The following AGBL4 variants were observed in gnomAD, a reference collection of about 807,000 sequenced individuals.
AGBL4 encodes AGBL carboxypeptidase 4.
A neutral mutation model predicts 66.4 loss-of-function variants in AGBL4; 58 were observed. The ratio of observed to expected loss-of-function variants is 0.87; its 90% CI spans 0.71 to 1.09. The LOEUF (loss-of-function observed/expected upper bound fraction) is 1.09. Among genes scored for constraint, AGBL4 ranks in the 50% least tolerant of loss-of-function variants. AGBL4 has a pLI of 0.00. For missense variants in AGBL4, 579 were observed against 631.0 expected, an observed-to-expected ratio of 0.92 and a Z score of 0.88; for synonymous variants, 234 against 222.9, an observed-to-expected ratio of 1.05 and a Z score of -0.44.
At chr1:50,006,772 A>G (rs1162361336) in intron 1 of AGBL4, among the ~76,000 whole-genome samples, 2 of 152,210 alleles carry the variant, frequency 1.3e-5, no homozygotes, top group African/African-American at 4.8e-5. Context: ...CAGACAAACA[A>G]AAGCTGAGGG....
At chr1:49,887,686 C>T (rs1349487975) in intron 1 of AGBL4, among the ~76,000 whole-genome samples, 1 of 151,980 alleles carries the variant, frequency 6.6e-6, no homozygotes, top group Non-Finnish European at 1.5e-5. Flanking sequence ...ACAGCAAATG[C>T]AGTTGGGAGA....
chr1:49,787,981 T>C (rs976953604), intron 2 of AGBL4, among the ~76,000 whole-genome samples: 2 of 151,582 alleles, frequency 1.3e-5, no homozygotes, highest in Admixed American at 6.6e-5. Context: ...AACAAGCAAG[T>C]ACAATATTTC....
chr1:49,180,800 A>G (rs1234984943), intron 4 of AGBL4, among the ~76,000 whole-genome samples: 4 of 152,222 alleles, frequency 2.6e-5, no homozygotes, highest in African/African-American at 9.6e-5. Context: ...TACATGGGAC[A>G]TGCACCCTGT....
downstream of AGBL4, among the ~76,000 whole-genome samples, chr1:48,530,113 G>C (rs1473290999): frequency 1.3e-5 from 2 of 151,998 alleles, no homozygotes; most frequent in African/African-American, 4.8e-5. Flanking sequence ...ATTTTACCTG[G>C]AGACAAATGG....
At chr1:49,315,943 G>A (rs910736801) in intron 3 of AGBL4, among the ~76,000 whole-genome samples, 8 of 152,010 alleles carry the variant, frequency 5.3e-5, no homozygotes, top group Admixed American at 6.6e-5. Flanking sequence ...AAAGAAGAGC[G>A]CTATCAAGCC....
intron 1 of AGBL4, among the ~76,000 whole-genome samples, chr1:49,962,308 T>C (rs1053974771): frequency 6.6e-6 from 1 of 152,170 alleles, no homozygotes; most frequent in Admixed American, 6.6e-5. Context: ...AAGTTAATTT[T>C]CATGATGTCT....
chr1:49,376,110 C>G (rs1182122620), intron 3 of AGBL4, among the ~76,000 whole-genome samples: 1 of 152,188 alleles, frequency 6.6e-6, no homozygotes, highest in Non-Finnish European at 1.5e-5. Context: ...CCACCTACCT[C>G]TGCAGCTCCA....
chr1:48,742,860 G>A, intron 6 of AGBL4: 1 of 1,320,156 alleles, frequency 7.6e-7, no homozygotes, highest in South Asian at 1.9e-5. Flanking sequence ...GCACACCATG[G>A]CACAAAAAAT....
At chr1:49,210,831 C>T (rs1285577983) in intron 4 of AGBL4, among the ~76,000 whole-genome samples, 1 of 152,058 alleles carries the variant, frequency 6.6e-6, no homozygotes, top group Non-Finnish European at 1.5e-5. Context: ...GCTGTGAGTC[C>T]TATGTGGTTA....
chr1:49,200,863 T>C (rs965394375), intron 4 of AGBL4, among the ~76,000 whole-genome samples: 1 of 152,136 alleles, frequency 6.6e-6, no homozygotes, highest in African/African-American at 2.4e-5. Flanking sequence ...CAGCTTAACC[T>C]TCAGCCCCTC....
intron 5 of AGBL4, among the ~76,000 whole-genome samples, chr1:48,962,799 A>G (rs1319422201): frequency 2.6e-5 from 4 of 152,106 alleles, no homozygotes; most frequent in East Asian, 1.9e-4. Flanking sequence ...CTTCAATTCT[A>G]TATTGAGAAT....
chr1:49,845,528 A>G (rs1646117876), intron 2 of AGBL4: 2 of 1,586,916 alleles, frequency 1.3e-6, no homozygotes, highest in African/African-American at 2.7e-5. Context: ...GCCTTGATCC[A>G]TAGCTAGTCC....
intron 3 of AGBL4, among the ~76,000 whole-genome samples, chr1:49,496,963 G>A (rs1275341287): frequency 2.6e-5 from 4 of 151,760 alleles, no homozygotes; most frequent in African/African-American, 9.7e-5. Flanking sequence ...TTCAATAATG[G>A]CCATACTATC....
At chr1:49,644,336 C>T (rs964437947) in intron 3 of AGBL4, among the ~76,000 whole-genome samples, 1 of 151,538 alleles carries the variant, frequency 6.6e-6, no homozygotes, top group Non-Finnish European at 1.5e-5. Context: ...ACATTCCAAA[C>T]ACTCTAACTA....
intron 11 of AGBL4, among the ~76,000 whole-genome samples, chr1:48,544,132 C>A (rs1439489600): frequency 6.6e-6 from 1 of 152,210 alleles, no homozygotes; most frequent in Non-Finnish European, 1.5e-5. Flanking sequence ...TCTGGGGCTG[C>A]CACCTGCTTT....
intron 6 of AGBL4, among the ~76,000 whole-genome samples, chr1:48,856,204 T>C (rs1184362405): frequency 6.6e-6 from 1 of 152,154 alleles, no homozygotes; most frequent in Non-Finnish European, 1.5e-5. Flanking sequence ...AATTTTTTAA[T>C]AGAGAAAGTG....
chr1:49,404,056 C>A (rs2148615915), intron 3 of AGBL4, among the ~76,000 whole-genome samples: 1 of 152,226 alleles, frequency 6.6e-6, no homozygotes, highest in African/African-American at 2.4e-5. Flanking sequence ...TTACCACCTC[C>A]ATTCCTGAGT....
intron 3 of AGBL4, among the ~76,000 whole-genome samples, chr1:49,553,991 T>G (rs1449932144): frequency 6.6e-6 from 1 of 152,038 alleles, no homozygotes; most frequent in South Asian, 2.1e-4. Context: ...TTTTAAAACC[T>G]TAGCTGGCGT....
intron 1 of AGBL4, among the ~76,000 whole-genome samples, chr1:49,979,442 T>A (rs1216296907): frequency 6.7e-6 from 1 of 148,896 alleles, no homozygotes; most frequent in Non-Finnish European, 1.5e-5. Context: ...CAGTCCGGCC[T>A]GGGCGACAGA....
Sources: allele counts gnomAD v4.1 joint callset (sites outside exome capture counted in the v4.1 genomes callset), GRCh38; gene constraint gnomAD v4.1.1; transcripts MANE v1.5; gene names NCBI Gene and HGNC (gene_info 2026-07-23, HGNC 2026-07-21).